RBPJ: variants seen among roughly 807,000 people sequenced by gnomAD.
The protein encoded by RBPJ is recombination signal binding protein for immunoglobulin kappa J region, also known as recombining binding protein suppressor of hairless.
RBPJ carries 9 observed loss-of-function variants against 67.8 expected under a neutral mutation model. The ratio of observed to expected loss-of-function variants is 0.13; its 90% confidence interval spans 0.08 to 0.23. The LOEUF (loss-of-function observed/expected upper bound fraction) is 0.23. Among genes scored for constraint, RBPJ ranks in the 10% least tolerant of loss-of-function variants. The pLI, the probability that RBPJ is intolerant of heterozygous loss-of-function variation, is 1.00. For synonymous variants in RBPJ, 198 were observed against 203.3 expected (o/e 0.97, Z 0.22); for missense variants, 305 against 595.6 (o/e 0.51, Z 5.08).
chr4:26,236,420 T>C (rs1364312401), intron 1 of RBPJ, among the ~76,000 whole-genome samples: 1 of 152,196 alleles, frequency 6.6e-6, no homozygotes, highest in Non-Finnish European at 1.5e-5. Flanking sequence ...GTAGTTTTCA[T>C]TCAGGGTCTC....
upstream of RBPJ, among the ~76,000 whole-genome samples, chr4:26,316,370 T>C (rs541873533): frequency 7.8e-4 from 114 of 146,480 alleles, no homozygotes; most frequent in African/African-American, 2.8e-3. Context: ...CATTCATATA[T>C]ACATTCATAT....
At chr4:26,279,079 AC>A (rs1490259590) in intron 1 of RBPJ, among the ~76,000 whole-genome samples, 3 of 152,154 alleles carry the variant, frequency 2.0e-5, no homozygotes, top group Non-Finnish European at 4.4e-5. Flanking sequence ...ATAAGATAAT[AC>A]ACATGAAGCA....
chr4:26,194,510 A>G (rs1169965286), intron 1 of RBPJ, among the ~76,000 whole-genome samples: 1 of 152,228 alleles, frequency 6.6e-6, no homozygotes, highest in Non-Finnish European at 1.5e-5. Flanking sequence ...GTTCATGAAG[A>G]TGAAATAACT....
chr4:26,132,185 AGACT>A, the RBPJ span, among the ~76,000 whole-genome samples: 84 of 151,856 alleles, frequency 5.5e-4, no homozygotes, highest in Non-Finnish European at 8.0e-4. Flanking sequence ...GTCTATGCTT[AGACT>A]GACTAACTAT....
intron 1 of RBPJ, among the ~76,000 whole-genome samples, chr4:26,176,121 A>T (rs1716787179): frequency 6.6e-6 from 1 of 152,262 alleles, no homozygotes; most frequent in Non-Finnish European, 1.5e-5. Flanking sequence ...CCTTAACACT[A>T]CATGGGACAT....
chr4:26,363,389 C>T (rs1047168726), intron 1 of RBPJ, among the ~76,000 whole-genome samples: 118 of 152,302 alleles, frequency 7.7e-4, no homozygotes, highest in Non-Finnish European at 4.3e-4. Flanking sequence ...CCACCTGCTT[C>T]GGCCTCCGAA....
intron 1 of RBPJ, among the ~76,000 whole-genome samples, chr4:26,284,011 T>C (rs1425996706): frequency 6.6e-6 from 1 of 152,202 alleles, no homozygotes; most frequent in Non-Finnish European, 1.5e-5. Flanking sequence ...CAAATGCTAT[T>C]GGGTAGGTCA....
At chr4:26,229,737 T>A (rs1471688298) in intron 1 of RBPJ, among the ~76,000 whole-genome samples, 1 of 152,172 alleles carries the variant, frequency 6.6e-6, no homozygotes, top group Non-Finnish European at 1.5e-5. Context: ...TTATGGGTAT[T>A]ATTATAAGAC....
chr4:26,107,421 C>T, the RBPJ span, among the ~76,000 whole-genome samples: 2 of 152,228 alleles, frequency 1.3e-5, no homozygotes, highest in African/African-American at 2.4e-5. Flanking sequence ...CAAGGTACTG[C>T]CTGCAGGACA....
At chr4:26,359,625 C>CT (rs1276655417) in intron 1 of RBPJ, 1 of 152,100 alleles carries the variant, frequency 6.6e-6, no homozygotes, top group Non-Finnish European at 1.5e-5. Flanking sequence ...TCGGCACAGG[C>CT]ATAGCCCCGG....
At chr4:26,133,447 C>T in the RBPJ span, among the ~76,000 whole-genome samples, 2 of 152,198 alleles carry the variant, frequency 1.3e-5, no homozygotes, top group Non-Finnish European at 2.9e-5. Context: ...ACTCAGAGTT[C>T]AAGGGACTCA....
At chr4:26,209,104 T>A (rs1235710287) in intron 1 of RBPJ, among the ~76,000 whole-genome samples, 1 of 148,156 alleles carries the variant, frequency 6.7e-6, no homozygotes, top group Non-Finnish European at 1.5e-5. Context: ...AAAAAATATA[T>A]ATATATATAT....
At chr4:26,293,010 A>G (rs1721722596) in intron 1 of RBPJ, among the ~76,000 whole-genome samples, 1 of 150,516 alleles carries the variant, frequency 6.6e-6, no homozygotes, top group Non-Finnish European at 1.5e-5. Flanking sequence ...GGTAGATAGC[A>G]TATTTGGATC....
intron 1 of RBPJ, among the ~76,000 whole-genome samples, chr4:26,191,202 TATATATATAG>T (rs1448055328): frequency 0.02 from 648 of 32,114 alleles, 6 homozygotes; most frequent in East Asian, 0.028. Flanking sequence ...TATATATATA[TATATATATAG>T]AGAGAGAGAG....
intron 1 of RBPJ, among the ~76,000 whole-genome samples, chr4:26,229,369 G>C (rs1410560418): frequency 6.6e-6 from 1 of 152,138 alleles, no homozygotes; most frequent in Non-Finnish European, 1.5e-5. Context: ...GCACAACTCA[G>C]AAATGGGCAA....
upstream of RBPJ, among the ~76,000 whole-genome samples, chr4:26,316,261 A>G (rs1383986901): frequency 6.7e-6 from 1 of 148,716 alleles, no homozygotes; most frequent in Non-Finnish European, 1.5e-5. Context: ...ATATATATAT[A>G]TATTCATATA....
chr4:26,204,137 G>A lies in RBPJ; in HGVS notation c.-167+40523G>A, dbSNP rs1289079000. On this transcript the variant is annotated intron_variant, in intron 1 of 4. Coordinates refer to the RBPJ transcript ENST00000512351. ...TTTTTGTATTTTTTGTAGGGATGGG[G>A]GGGTCTCACCATGTTGCCTAAGCTG... Among the ~76,000 whole-genome samples the A allele has an allele frequency of 2.6e-5, 4 of 151,970 alleles. No individual in the cohort carries two copies. The East Asian group carries it at 5.8e-4, about 22-fold the overall frequency.
chr4:26,268,551 C>T (rs557063927), intron 1 of RBPJ, among the ~76,000 whole-genome samples: 1 of 152,336 alleles, frequency 6.6e-6, no homozygotes. Context: ...CTTCCCTTTT[C>T]TCTTCAATAA....
chr4:26,135,430 C>T, the RBPJ span, among the ~76,000 whole-genome samples: 38 of 152,116 alleles, frequency 2.5e-4, no homozygotes, highest in Admixed American at 1.7e-3. Context: ...GGGATTTAAA[C>T]GCAACAACCC....
Sources: allele counts gnomAD v4.1 joint callset (sites outside exome capture counted in the v4.1 genomes callset), GRCh38; gene constraint gnomAD v4.1.1; transcripts MANE v1.5; gene names NCBI Gene and HGNC (gene_info 2026-07-23, HGNC 2026-07-21).